ZNF704: variants seen among roughly 807,000 people sequenced by gnomAD.
The protein encoded by ZNF704 is zinc finger protein 704.
Under a neutral mutation model 44.7 loss-of-function variants are expected in ZNF704, and 10 were observed. The observed-to-expected ratio is 0.22, with a 90% CI of 0.14 to 0.38. ZNF704 has a LOEUF of 0.38. Ranked by LOEUF, ZNF704 falls within the 10% of genes least tolerant of loss-of-function variation. The pLI, the probability that ZNF704 is intolerant of heterozygous loss-of-function variation, is 1.00. For missense variants in ZNF704, 390 were observed against 545.5 expected (o/e 0.71, Z 2.84); for synonymous variants, 211 against 207.6 (o/e 1.02, Z -0.14).
intron 2 of ZNF704, among the ~76,000 whole-genome samples, chr8:80,819,413 C>T (rs2129872639): frequency 6.6e-6 from 1 of 152,184 alleles, no homozygotes; most frequent in Non-Finnish European, 1.5e-5. Context: ...CAACCTATGG[C>T]AATTTAAAAT....
At chr8:80,773,684 A>G (rs901613674) in intron 2 of ZNF704, among the ~76,000 whole-genome samples, 4 of 152,048 alleles carry the variant, frequency 2.6e-5, no homozygotes, top group African/African-American at 9.7e-5. Context: ...ACTGAAGGAT[A>G]TTTTCTCTGG....
Position 80,659,604 on chromosome 8 carries a change from A to C in ZNF704, c.1013T>G (p.Val338Gly). The change falls in exon 7 of 9, where the codon GTC (valine) becomes GGC (glycine). Residue 338 changes from valine (V) to glycine (G), a missense_variant. Val to Gly is a moderately radical substitution (Grantham distance 109). Around this residue, in one of 3 missense-constraint regions of ZNF704, gnomAD observed 305 missense variants for 435.7 expected, o/e 0.70. Transcript: ENST00000327835. ...ACTTACTGGGATGCCTGTGAAAGTGACCGGAGGAGATTGCCAGGAAATGCT... is the reference window on the plus strand; with the variant it reads ...ACTTACTGGGATGCCTGTGAAAGTGCCCGGAGGAGATTGCCAGGAAATGCT... ...SFSISWQSPP[V>G]TFTGIPVSPT... The C allele has an allele frequency of 6.2e-7, 1 of 1,613,946 alleles. No homozygotes were observed. The highest frequency in any genetic ancestry group is 8.5e-7 in the Non-Finnish European group (1 of 1,179,894).
intron 7 of ZNF704, among the ~76,000 whole-genome samples, chr8:80,655,034 C>G (rs1817991233): frequency 6.6e-6 from 1 of 152,244 alleles, no homozygotes; most frequent in South Asian, 2.1e-4. Flanking sequence ...AGTTCATGTC[C>G]TTTGTAGGGA....
chr8:80,811,170 G>A (rs951334285), intron 2 of ZNF704, among the ~76,000 whole-genome samples: 9 of 152,044 alleles, frequency 5.9e-5, no homozygotes, highest in Admixed American at 2.0e-4. Flanking sequence ...TCCAAACTGA[G>A]ATGTGCTATA....
At chr8:80,714,263 T>C (rs927046672) in intron 2 of ZNF704, among the ~76,000 whole-genome samples, 2 of 152,210 alleles carry the variant, frequency 1.3e-5, no homozygotes, top group Non-Finnish European at 2.9e-5. Flanking sequence ...AAAGCAGCTG[T>C]ATCCCTAGAG....
At chr8:80,787,799 A>C (rs1807640265) in intron 2 of ZNF704, among the ~76,000 whole-genome samples, 1 of 152,184 alleles carries the variant, frequency 6.6e-6, no homozygotes, top group Admixed American at 6.5e-5. Context: ...AAAATGCCCC[A>C]AAAGCACCAC....
At chr8:80,857,243 C>T (rs1808978420) in intron 1 of ZNF704, among the ~76,000 whole-genome samples, 1 of 152,172 alleles carries the variant, frequency 6.6e-6, no homozygotes, top group East Asian at 1.9e-4. Flanking sequence ...CCTTATCACA[C>T]TGGCTTAAAC....
At chr8:80,654,260 C>A (rs1242033208) in intron 7 of ZNF704, among the ~76,000 whole-genome samples, 2 of 151,902 alleles carry the variant, frequency 1.3e-5, no homozygotes, top group African/African-American at 4.9e-5. Flanking sequence ...TAGGCAGTAC[C>A]ATTCAGGACA....
intron 2 of ZNF704, among the ~76,000 whole-genome samples, chr8:80,743,106 C>T (rs1387608972): frequency 6.9e-6 from 1 of 144,840 alleles, no homozygotes; most frequent in South Asian, 2.2e-4. Flanking sequence ...TAAACCCAGG[C>T]ATTTGAGCTG....
intron 7 of ZNF704, among the ~76,000 whole-genome samples, chr8:80,648,440 T>A (rs139172062): frequency 9.0e-4 from 137 of 152,328 alleles, no homozygotes; most frequent in African/African-American, 3.1e-3. Context: ...TTCAGCTTCT[T>A]ATTTTAGTTG....
intron 1 of ZNF704, among the ~76,000 whole-genome samples, chr8:80,865,081 A>G (rs1047838776): frequency 6.6e-6 from 1 of 152,196 alleles, no homozygotes; most frequent in Non-Finnish European, 1.5e-5. Context: ...TTCAGGAAGC[A>G]ACTCTCTGAA....
chr8:80,851,219 G>A (rs996350852), intron 1 of ZNF704, among the ~76,000 whole-genome samples: 5 of 152,140 alleles, frequency 3.3e-5, no homozygotes, highest in Non-Finnish European at 7.3e-5. Flanking sequence ...TCCCATTACT[G>A]CGTATATACC....
chr8:80,649,594 C>G (rs1008345090), intron 7 of ZNF704, among the ~76,000 whole-genome samples: 13 of 152,254 alleles, frequency 8.5e-5, no homozygotes, highest in South Asian at 6.2e-4. Context: ...GATCAAACTG[C>G]AAGGTGGCAG....
At chr8:80,845,737 G>A (rs551071492) in intron 1 of ZNF704, among the ~76,000 whole-genome samples, 2 of 152,058 alleles carry the variant, frequency 1.3e-5, no homozygotes, top group African/African-American at 4.8e-5. Flanking sequence ...GCAAAATTAC[G>A]GCAATCTAGG....
At chr8:80,668,270 A>G (rs540848528) in intron 5 of ZNF704, among the ~76,000 whole-genome samples, 52 of 152,360 alleles carry the variant, frequency 3.4e-4, no homozygotes, top group African/African-American at 1.2e-3. Flanking sequence ...GACTCGGAAC[A>G]TACCTTTTCC....
chr8:80,878,699 G>A (rs1809390356), upstream of ZNF704, among the ~76,000 whole-genome samples: 1 of 152,190 alleles, frequency 6.6e-6, no homozygotes, highest in African/African-American at 2.4e-5. Flanking sequence ...CAGGCTGAAA[G>A]CCTGTCTAAG....
chr8:80,842,934 C>CA, intron 1 of ZNF704, among the ~76,000 whole-genome samples: 1 of 152,296 alleles, frequency 6.6e-6, no homozygotes, highest in Non-Finnish European at 1.5e-5. Flanking sequence ...ATCTTCTTCA[C>CA]AGGGGACAAG....
At chr8:80,788,517 G>A (rs1364666850) in intron 2 of ZNF704, among the ~76,000 whole-genome samples, 1 of 152,212 alleles carries the variant, frequency 6.6e-6, no homozygotes, top group Admixed American at 6.5e-5. Flanking sequence ...AGGCATAGGG[G>A]TAGAATTCAG....
At chr8:80,715,584 C>A (rs1187734252) in intron 2 of ZNF704, among the ~76,000 whole-genome samples, 2 of 152,174 alleles carry the variant, frequency 1.3e-5, no homozygotes, top group African/African-American at 4.8e-5. Flanking sequence ...TATTCTACTG[C>A]CCAGTCTTGC....
Sources: gnomAD v4.1 joint callset for allele counts (sites outside exome capture counted in the v4.1 genomes callset) on GRCh38, gnomAD v4.1.1 for gene constraint, gnomAD v4.1.1 regional missense constraint, MANE v1.5 for transcripts, NCBI Gene and HGNC (gene_info 2026-07-23, HGNC 2026-07-21) for gene names.